The following ROBO2 variants were observed in gnomAD, a reference collection of about 807,000 sequenced individuals.
The protein encoded by ROBO2 is roundabout homolog 2.
A neutral mutation model predicts 160.8 loss-of-function variants in ROBO2; 53 were observed. The observed-to-expected ratio is 0.33, with a 90% CI of 0.26 to 0.41. ROBO2 has a LOEUF of 0.41. Among genes scored for constraint, ROBO2 ranks in the 10% least tolerant of loss-of-function variants. The pLI, the probability that ROBO2 is intolerant of heterozygous loss-of-function variation, is 1.00. For synonymous variants in ROBO2, 664 were observed against 611.7 expected (o/e 1.09, Z -1.26); for missense variants, 1,577 against 1,722.4 (o/e 0.92, Z 1.49).
chr3:76,253,069 C>A (rs1275923253), intron 2 of ROBO2, among the ~76,000 whole-genome samples: 1 of 151,956 alleles, frequency 6.6e-6, no homozygotes, highest in Non-Finnish European at 1.5e-5. Context: ...ACCTTCACAG[C>A]AACACCTAGA....
chr3:76,436,159 A>AACACACACACATACACACAC (rs1553752321), intron 2 of ROBO2, among the ~76,000 whole-genome samples: 1 of 140,522 alleles, frequency 7.1e-6, no homozygotes, highest in South Asian at 2.3e-4. Context: ...TTAAAAGGAA[A>AACACACACACATACACACAC]ACACACACAC....
At chr3:76,692,197 GC>G (rs2092816855) in intron 2 of ROBO2, among the ~76,000 whole-genome samples, 1 of 152,156 alleles carries the variant, frequency 6.6e-6, no homozygotes, top group African/African-American at 2.4e-5. Context: ...GGGAGAGGGG[GC>G]AGCAGGTGCT....
chr3:76,701,403 G>A (rs547215598), intron 2 of ROBO2, among the ~76,000 whole-genome samples: 1 of 152,098 alleles, frequency 6.6e-6, no homozygotes, highest in South Asian at 2.1e-4. Context: ...TTGACTCCAG[G>A]TAAAAGGAGT....
intron 2 of ROBO2, among the ~76,000 whole-genome samples, chr3:77,165,756 G>A (rs1337857379): frequency 3.3e-5 from 5 of 152,110 alleles, no homozygotes; most frequent in Non-Finnish European, 5.9e-5. Flanking sequence ...CACCTGGATT[G>A]TGAAATAGAC....
chr3:76,880,942 A>G (rs2073277718), intron 2 of ROBO2, among the ~76,000 whole-genome samples: 1 of 152,036 alleles, frequency 6.6e-6, no homozygotes, highest in Non-Finnish European at 1.5e-5. Flanking sequence ...CTCCTGGGAG[A>G]GTTTTCCTAT....
chr3:77,548,176 A>AC (rs1559589911), intron 7 of ROBO2, among the ~76,000 whole-genome samples: 2 of 151,380 alleles, frequency 1.3e-5, no homozygotes, highest in Non-Finnish European at 3.0e-5. Context: ...CACACACACA[A>AC]AAAGGAGAGA....
At chr3:77,236,066 A>G (rs887866224) in intron 2 of ROBO2, among the ~76,000 whole-genome samples, 1 of 152,242 alleles carries the variant, frequency 6.6e-6, no homozygotes, top group African/African-American at 2.4e-5. Flanking sequence ...AGACCCTGAG[A>G]ACATGTGTCC....
chr3:77,527,557 CAT>C, intron 6 of ROBO2, 143 bp downstream of exon 7: 1 of 541,196 alleles, frequency 1.8e-6, no homozygotes, highest in Non-Finnish European at 2.5e-6. Context: ...AAAAGTTGCT[CAT>C]GTTTTTTTTA....
chr3:77,192,221 G>T (rs1209409872), intron 2 of ROBO2, among the ~76,000 whole-genome samples: 2 of 152,086 alleles, frequency 1.3e-5, no homozygotes, highest in Non-Finnish European at 2.9e-5. Context: ...ATCTTTGCAA[G>T]TATTTTTAGT....
At position 76,882,153 on chromosome 3, in the gene ROBO2, G is replaced by T. The variant is rs1163538513; in HGVS notation, c.110-215861G>T. ...TTTGGGTGGTAGGTTGGTTGGGGGG[G>T]TGTGTGTGCGTGGGTGATGTTTGTT... On this transcript the variant is annotated intron_variant, in intron 2 of 26. Transcript: ENST00000487694. Among the ~76,000 whole-genome samples, 8 of 151,730 alleles carry T rather than the reference G, an allele frequency of 5.3e-5. No homozygotes were observed. The East Asian group carries it at 1.4e-3, about 26-fold the overall frequency.
intron 2 of ROBO2, among the ~76,000 whole-genome samples, chr3:77,111,191 A>G (rs934613891): frequency 3.3e-5 from 5 of 152,152 alleles, no homozygotes; most frequent in East Asian, 1.9e-4. Flanking sequence ...TGCAAACCAC[A>G]TATCTGAAAA....
chr3:75,934,944 C>A (rs1300626971), intron 1 of ROBO2, among the ~76,000 whole-genome samples: 1 of 152,100 alleles, frequency 6.6e-6, no homozygotes, highest in Non-Finnish European at 1.5e-5. Flanking sequence ...ATTATTTACA[C>A]TTTGATGAGT....
At chr3:77,574,389 C>T in intron 13 of ROBO2, 110 bp from the exon 15 acceptor site, 3 of 863,900 alleles carry the variant, frequency 3.5e-6, no homozygotes, top group Non-Finnish European at 5.8e-6. Context: ...TGACATCACT[C>T]AGTTGATAGT....
chr3:76,998,322 C>G (rs1167512756), intron 2 of ROBO2, among the ~76,000 whole-genome samples: 3 of 151,918 alleles, frequency 2.0e-5, no homozygotes, highest in Non-Finnish European at 4.4e-5. Flanking sequence ...AAAATAAAAG[C>G]TAGATTGTGT....
chr3:77,536,165 C>T (rs922132177), intron 6 of ROBO2, among the ~76,000 whole-genome samples: 4 of 152,030 alleles, frequency 2.6e-5, no homozygotes, highest in Non-Finnish European at 5.9e-5. Context: ...TATTACTTGC[C>T]GGAGGCCTTC....
At chr3:77,241,455 T>G (rs1324218943) in intron 2 of ROBO2, among the ~76,000 whole-genome samples, 2 of 152,234 alleles carry the variant, frequency 1.3e-5, no homozygotes, top group Non-Finnish European at 2.9e-5. Flanking sequence ...CCAAATTTTA[T>G]TCTAGTTTTC....
chr3:77,394,345 C>T (rs900260955), intron 2 of ROBO2, among the ~76,000 whole-genome samples: 1 of 151,934 alleles, frequency 6.6e-6, no homozygotes, highest in African/African-American at 2.4e-5. Flanking sequence ...GGTCGCCTCC[C>T]TATTCTTGAA....
intron 2 of ROBO2, among the ~76,000 whole-genome samples, chr3:76,322,729 A>T (rs2072671662): frequency 6.6e-6 from 1 of 152,210 alleles, no homozygotes; most frequent in Non-Finnish European, 1.5e-5. Flanking sequence ...ACTCTTAGGA[A>T]CTAAATGAGC....
chr3:76,429,471 G>T (rs73113849), intron 2 of ROBO2, among the ~76,000 whole-genome samples: 1 of 152,016 alleles, frequency 6.6e-6, no homozygotes, highest in Non-Finnish European at 1.5e-5. Context: ...TTGTGAATAC[G>T]TTCTAAATTT....
Sources: gnomAD v4.1 joint callset for allele counts (sites outside exome capture counted in the v4.1 genomes callset) on GRCh38, gnomAD v4.1.1 for gene constraint, MANE v1.5 for transcripts, NCBI Gene and HGNC (gene_info 2026-07-23, HGNC 2026-07-21) for gene names.